DPYSL5: variants seen among roughly 807,000 people sequenced by gnomAD.
DPYSL5 encodes dihydropyrimidinase like 5.
In DPYSL5, 9 loss-of-function variants were observed where a neutral mutation model predicts 58.4. The ratio of observed to expected loss-of-function variants is 0.15; its 90% confidence interval spans 0.09 to 0.27. The LOEUF (loss-of-function observed/expected upper bound fraction) is 0.27, where lower values mean the gene tolerates loss of function less well. Among genes scored for constraint, DPYSL5 ranks in the 10% least tolerant of loss-of-function variants. The pLI is 1.00. For synonymous variants in DPYSL5, 293 were observed against 301.9 expected, an observed-to-expected ratio of 0.97 and a Z score of 0.31; for missense variants, 499 against 770.6, an observed-to-expected ratio of 0.65 and a Z score of 4.17.
chr2:26,857,012 T>C (rs1199343705), intron 1 of DPYSL5, among the ~76,000 whole-genome samples: 1 of 146,740 alleles, frequency 6.8e-6, no homozygotes, highest in Admixed American at 6.7e-5. Context: ...TGAACACTTT[T>C]AAACTAAGCG....
chr2:26,946,168 G>A (rs1234693631), intron 12 of DPYSL5, among the ~76,000 whole-genome samples: 1 of 152,202 alleles, frequency 6.6e-6, no homozygotes, highest in Non-Finnish European at 1.5e-5. Flanking sequence ...CCTGCAGCCA[G>A]ACCCACGAGA....
In DPYSL5 at chr2:26,877,061, G is replaced by C. The variant is rs936174442; in HGVS notation, c.-4-21435G>C. ...GGCTCCCTGCAACCTCCGCCTCCCAGGTTCAAGCGATTCTCTTGCCTCAGC... is the reference window on the plus strand; with the variant it reads ...GGCTCCCTGCAACCTCCGCCTCCCACGTTCAAGCGATTCTCTTGCCTCAGC... On this transcript the variant is annotated intron_variant, in intron 1 of 12. Transcript: ENST00000288699. The surrounding 1 kb of genome is among the most constrained non-coding windows in gnomAD (Gnocchi z 4.1). Among the ~76,000 whole-genome samples the C allele has an allele frequency of 6.7e-6, 1 of 149,616 alleles. No homozygotes were observed. Among genetic ancestry groups the C allele is most frequent in the Non-Finnish European group, 1.5e-5 (1 of 67,654 alleles).
rs1052401397 is a variant in DPYSL5 at position 26,905,599 on chromosome 2, A to C, written c.261+6839A>C. 6.6e-6 allele frequency among the ~76,000 whole-genome samples: 1 copy of C among 151,934 alleles called. No individual in the cohort carries two copies. Among genetic ancestry groups the C allele is most frequent in the South Asian group, 2.1e-4 (1 of 4,808 alleles). ...TGCTGCCCTACCACCCCTCCGGCCT[A>C]GCTGTGGGGGCTGGGATTGGCATAG... On this transcript the variant is annotated intron_variant, in intron 2 of 12. Transcript: ENST00000288699. The surrounding 1 kb of genome is among the most constrained non-coding windows in gnomAD (Gnocchi z 4.0).
intron 1 of DPYSL5, among the ~76,000 whole-genome samples, chr2:26,890,472 A>G (rs1031697282): frequency 1.3e-5 from 2 of 152,240 alleles, no homozygotes; most frequent in African/African-American, 4.8e-5. Context: ...AGAGGTCCCA[A>G]GACCTTGGGA....
chr2:26,942,184 C>A lies in DPYSL5; in HGVS notation c.1232+92C>A. The A allele has an allele frequency of 6.4e-7, 1 of 1,556,252 alleles. No homozygotes were observed. Among genetic ancestry groups the A allele is most frequent in the Non-Finnish European group, 8.7e-7 (1 of 1,149,842 alleles). On this transcript the variant is annotated intron_variant, in intron 10 of 12. Coordinates refer to ENST00000288699, the MANE Select transcript of DPYSL5 (RefSeq NM_020134.4). This position sits in a 1 kb window ranked among gnomAD's most constrained non-coding sequence, Gnocchi z 5.9. ...ATCTCCAAAAGCATATAATTTTGCACTATTTCTAGCACAAAATATGGCCCT... is the reference window on the plus strand; with the variant it reads ...ATCTCCAAAAGCATATAATTTTGCAATATTTCTAGCACAAAATATGGCCCT...
intron 2 of DPYSL5, among the ~76,000 whole-genome samples, chr2:26,914,078 C>G (rs756731068): frequency 2.6e-5 from 4 of 152,100 alleles, no homozygotes; most frequent in Admixed American, 2.0e-4. Context: ...GGTTCTGTGC[C>G]GAGTTACTAT....
intron 1 of DPYSL5, among the ~76,000 whole-genome samples, chr2:26,871,709 G>A (rs1443310403): frequency 6.6e-6 from 1 of 152,070 alleles, no homozygotes; most frequent in Non-Finnish European, 1.5e-5. Flanking sequence ...CCAAAGTGCT[G>A]GGATTACAGA....
At chr2:26,906,601 A>G (rs1234142450) in intron 2 of DPYSL5, among the ~76,000 whole-genome samples, 1 of 151,926 alleles carries the variant, frequency 6.6e-6, no homozygotes, top group African/African-American at 2.4e-5. Flanking sequence ...TCCCTCCCAC[A>G]CTCAGTGAGA....
At chr2:26,856,553 A>T (rs1459857386) in intron 1 of DPYSL5, among the ~76,000 whole-genome samples, 1 of 151,984 alleles carries the variant, frequency 6.6e-6, no homozygotes, top group Non-Finnish European at 1.5e-5. Flanking sequence ...TGGTATTTGG[A>T]TAGTTTCCGG....
At chr2:26,860,215 A>T (rs937877242) in intron 1 of DPYSL5, among the ~76,000 whole-genome samples, 4 of 152,244 alleles carry the variant, frequency 2.6e-5, no homozygotes, top group Non-Finnish European at 4.4e-5. Context: ...TTTGTGACAT[A>T]TAAATGTATA....
chr2:26,865,874 GC>G (rs1666128186), intron 1 of DPYSL5, among the ~76,000 whole-genome samples: 3 of 152,232 alleles, frequency 2.0e-5, no homozygotes, highest in Admixed American at 2.0e-4. Context: ...CACAGCCCTT[GC>G]CCCCCACCAG....
At chr2:26,901,800 CTTG>C (rs1437104485) in intron 2 of DPYSL5, among the ~76,000 whole-genome samples, 2 of 136,216 alleles carry the variant, frequency 1.5e-5, no homozygotes, top group African/African-American at 5.4e-5. Flanking sequence ...CTAGCGTCTG[CTTG>C]TTGATTTGGC....
At position 26,924,817 on chromosome 2, in the gene DPYSL5, A is replaced by G; in HGVS notation, c.262-70A>G. On this transcript the variant is annotated intron_variant, in intron 2 of 12. Coordinates refer to ENST00000288699, the MANE Select transcript of DPYSL5 (RefSeq NM_020134.4). The surrounding 1 kb of genome is among the most constrained non-coding windows in gnomAD (Gnocchi z 4.7). The stretch of plus-strand genomic sequence containing the variant: ...TGTCTTTGAATGGACCATGAGGACC[A>G]TGTCTCACCACATCATTGACTCGGG... 1.9e-6 allele frequency: 3 copies of G among 1,552,922 alleles called. No individual in the cohort carries two copies. The highest frequency in any genetic ancestry group is 3.6e-5 in the Admixed American group (2 of 55,066).
At chr2:26,907,433 T>C (rs1378872991) in intron 2 of DPYSL5, among the ~76,000 whole-genome samples, 1 of 152,076 alleles carries the variant, frequency 6.6e-6, no homozygotes, top group African/African-American at 2.4e-5. Context: ...ATTTTTAAAA[T>C]AAAAAATCAC....
intron 1 of DPYSL5, among the ~76,000 whole-genome samples, chr2:26,896,568 T>C (rs1664026689): frequency 6.6e-6 from 1 of 152,222 alleles, no homozygotes; most frequent in Non-Finnish European, 1.5e-5. Context: ...TTTTTGATAA[T>C]AGTCATTCTA....
intron 2 of DPYSL5, among the ~76,000 whole-genome samples, chr2:26,901,996 C>T (rs1664171045): frequency 6.6e-6 from 1 of 151,280 alleles, no homozygotes; most frequent in Non-Finnish European, 1.5e-5. Flanking sequence ...CTGCTCACAG[C>T]CTGGTCACTT....
intron 1 of DPYSL5, among the ~76,000 whole-genome samples, chr2:26,863,729 C>G (rs922416928): frequency 3.3e-5 from 5 of 152,190 alleles, no homozygotes; most frequent in African/African-American, 1.2e-4. Flanking sequence ...CCACTACCAT[C>G]TCTTCCCCAA....
At chr2:26,884,175 T>A (rs1663647724) in intron 1 of DPYSL5, among the ~76,000 whole-genome samples, 1 of 151,922 alleles carries the variant, frequency 6.6e-6, no homozygotes, top group African/African-American at 2.4e-5. Context: ...GTGGGCGAGG[T>A]GCTGGTGGTG....
At chr2:26,939,305 T>C (rs1248595147) in intron 8 of DPYSL5, 1 of 152,042 alleles carries the variant, frequency 6.6e-6, no homozygotes, top group Non-Finnish European at 1.5e-5. Context: ...GCTCAGATAA[T>C]TTTTTTCTAT....
Sources: gnomAD v4.1 joint callset for allele counts (sites outside exome capture counted in the v4.1 genomes callset) on GRCh38, gnomAD v4.1.1 for gene constraint, Gnocchi (gnomAD v3.1) non-coding constraint, MANE v1.5 for transcripts, NCBI Gene and HGNC (gene_info 2026-07-23, HGNC 2026-07-21) for gene names.